Variants in NOTCH3 observed in about 807,000 individuals in gnomAD.
NOTCH3 encodes the protein notch receptor 3.
In NOTCH3, 86 loss-of-function variants were observed where a neutral mutation model predicts 213.3. The ratio of observed to expected loss-of-function variants is 0.40; its 90% CI spans 0.34 to 0.48. NOTCH3 has a LOEUF of 0.48. Ranked by LOEUF, NOTCH3 falls within the 20% of genes least tolerant of loss-of-function variation. The pLI is 0.57. For synonymous variants in NOTCH3, 1,354 were observed against 1,355.9 expected, an observed-to-expected ratio of 1.00 and a Z score of 0.03; for missense variants, 2,783 against 3,272.6, an observed-to-expected ratio of 0.85 and a Z score of 3.65.
chr19:15,164,454 T>A (rs2046669269), intron 31 of NOTCH3, among the ~76,000 whole-genome samples: 1 of 146,174 alleles, frequency 6.8e-6, no homozygotes, highest in East Asian at 2.0e-4. Context: ...GACAGGAGAA[T>A]CACTGGAACC....
At position 15,165,543 on chromosome 19, in the gene NOTCH3, G is replaced by C; in HGVS notation, c.5668-28C>G. ...AGGACAGAGAGTGGATGCAGCAGGAGGGGTCATGGCAGGAACAGAGGAATC... is the reference window on the plus strand; with the variant it reads ...AGGACAGAGAGTGGATGCAGCAGGACGGGTCATGGCAGGAACAGAGGAATC... On this transcript the variant is annotated intron_variant, in intron 30 of 32. Coordinates refer to ENST00000263388, the MANE Select transcript of NOTCH3 (RefSeq NM_000435.3). This position sits in a 1 kb window ranked among gnomAD's most constrained non-coding sequence, Gnocchi z 4.7. The C allele has an allele frequency of 2.5e-6, 4 of 1,608,134 alleles. No homozygotes were observed. Among genetic ancestry groups the C allele is most frequent in the Non-Finnish European group, 3.4e-6 (4 of 1,179,842 alleles).
At position 15,180,065 on chromosome 19, in the gene NOTCH3, C is replaced by G. The variant is rs771616245; in HGVS notation, c.3327+7G>C. 1.3e-6 allele frequency: 2 copies of G among 1,597,614 alleles called. No individual in the cohort carries two copies. The highest frequency in any genetic ancestry group is 2.7e-5 in the African/African-American group (2 of 74,522). ...CCTCTTCCCTCTCCTGGGGAGCGCC[C>G]CCTTACCTCACACATGTAGCCCCCC... On this transcript the variant is annotated splice_region_variant and intron_variant, in intron 20 of 32. Coordinates refer to ENST00000263388, the MANE Select transcript of NOTCH3 (RefSeq NM_000435.3).
intron 16 of NOTCH3, among the ~76,000 whole-genome samples, chr19:15,183,849 G>C (rs1412115335): frequency 6.6e-6 from 1 of 151,808 alleles, no homozygotes; most frequent in African/African-American, 2.4e-5. Flanking sequence ...CCAGGAATTG[G>C]AGACCACCGT....
At chr19:15,187,787 C>T in intron 10 of NOTCH3, 94 bp downstream of exon 10, 5 of 1,035,650 alleles carry the variant, frequency 4.8e-6, no homozygotes, top group East Asian at 2.6e-5. Context: ...TTGCTACAAC[C>T]CCGCCCCCAA....
At chr19:15,173,564 C>CT (rs2046758062) in intron 25 of NOTCH3, among the ~76,000 whole-genome samples, 1 of 151,240 alleles carries the variant, frequency 6.6e-6, no homozygotes, top group Non-Finnish European at 1.5e-5. Flanking sequence ...TCTTCTATGT[C>CT]TTTAAGAAGA....
chr19:15,160,684 G>T lies in NOTCH3; in HGVS notation c.6944C>A (p.Pro2315His), dbSNP rs746397891. The change falls in exon 33 of 33, where the codon CCC (proline) becomes CAC (histidine). Residue 2315 changes from proline (P) to histidine (H), a missense_variant. Transcript: ENST00000263388. ...TQLGPQPEVT[P>H]KRQVLA ...GTCTCAGGCCAACACTTGCCTCTTGGGGGTAACTTCCGGCTGGGGCCCCAG... is the reference window on the plus strand; with the variant it reads ...GTCTCAGGCCAACACTTGCCTCTTGTGGGTAACTTCCGGCTGGGGCCCCAG... 7 of 1,614,136 alleles carry T rather than the reference G, an allele frequency of 4.3e-6. No individual in the cohort carries two copies. The South Asian group carries it at 4.4e-5, about 10-fold the overall frequency.
intron 28 of NOTCH3, among the ~76,000 whole-genome samples, chr19:15,169,656 C>T (rs900812702): frequency 1.4e-4 from 21 of 152,212 alleles, no homozygotes; most frequent in Non-Finnish European, 2.8e-4. Context: ...CTGACTCATA[C>T]TGAACCCAGG....
In NOTCH3 at chr19:15,187,238, G is replaced by A; in HGVS notation, c.1707C>T (p.Ala569=). ...GTGTGCCCGTGTAGCCAGGAGCACAGGCACATGAGAAGCTGGCGATGCCAT... is the reference window on the plus strand; with the variant it reads ...GTGTGCCCGTGTAGCCAGGAGCACAAGCACATGAGAAGCTGGCGATGCCAT... The part of the protein sequence containing the change: ...CVDGIASFSC[A]CAPGYTGTRC... The change falls in exon 11 of 33, where the codon GCC becomes GCT. Residue 569 remains alanine, a synonymous_variant. Coordinates refer to ENST00000263388, the MANE Select transcript of NOTCH3 (RefSeq NM_000435.3). 1 of 1,614,150 alleles carries A rather than the reference G, an allele frequency of 6.2e-7. No individual in the cohort carries two copies.
intron 24 of NOTCH3, among the ~76,000 whole-genome samples, chr19:15,174,729 A>ACT (rs1399931436): frequency 6.7e-6 from 1 of 149,216 alleles, no homozygotes; most frequent in African/African-American, 2.5e-5. Context: ...ATGCACCACC[A>ACT]CGCCCGTCTA....
At chr19:15,174,878 A>G (rs1191981314) in intron 24 of NOTCH3, among the ~76,000 whole-genome samples, 1 of 151,988 alleles carries the variant, frequency 6.6e-6, no homozygotes, top group East Asian at 1.9e-4. Flanking sequence ...GCAGCCCTTG[A>G]TAATATTTTT....
intron 16 of NOTCH3, among the ~76,000 whole-genome samples, chr19:15,183,344 A>G (rs984653814): frequency 3.5e-4 from 53 of 152,104 alleles, no homozygotes; most frequent in South Asian, 1.0e-3. Context: ...TTAAAATTGC[A>G]TATGTGGCTT....
At chr19:15,175,943 G>A (rs1007546150) in intron 24 of NOTCH3, among the ~76,000 whole-genome samples, 1 of 151,376 alleles carries the variant, frequency 6.6e-6, no homozygotes, top group Non-Finnish European at 1.5e-5. Context: ...CAGACAGAGA[G>A]GTACGCAGAG....
chr19:15,175,590 T>TATACATAC (rs150169616), intron 24 of NOTCH3, among the ~76,000 whole-genome samples: 1 of 107,134 alleles, frequency 9.3e-6, no homozygotes, highest in African/African-American at 3.6e-5. Context: ...TATATGTATA[T>TATACATAC]ACACACACAC....
At chr19:15,168,518 G>T (rs1313918564) in intron 28 of NOTCH3, among the ~76,000 whole-genome samples, 1 of 152,068 alleles carries the variant, frequency 6.6e-6, no homozygotes, top group Non-Finnish European at 1.5e-5. Context: ...GATCTGTATG[G>T]ACTCAATTGT....
intron 10 of NOTCH3, 63 bp from the exon 11 acceptor site, chr19:15,187,401 C>A (rs952772115): frequency 1.2e-5 from 18 of 1,451,364 alleles, no homozygotes; most frequent in Admixed American, 1.7e-5. Context: ...AGTGAGGCCT[C>A]GGACCAATCC....
chr19:15,169,336 T>C (rs1257400189), intron 28 of NOTCH3, among the ~76,000 whole-genome samples: 2 of 151,914 alleles, frequency 1.3e-5, no homozygotes, highest in Non-Finnish European at 2.9e-5. Flanking sequence ...GACAGCACCT[T>C]GGGCTTGGAC....
chr19:15,177,078 A>C (rs1231737346), intron 24 of NOTCH3, among the ~76,000 whole-genome samples: 2 of 124,644 alleles, frequency 1.6e-5, no homozygotes, highest in Non-Finnish European at 3.1e-5. Context: ...TCTTAAAAAA[A>C]AAAAAAAAAA....
At chr19:15,195,278 G>T (rs140951459) in intron 2 of NOTCH3, among the ~76,000 whole-genome samples, 3 of 152,028 alleles carry the variant, frequency 2.0e-5, no homozygotes, top group Non-Finnish European at 2.9e-5. Flanking sequence ...CCTCATCTTG[G>T]GGGGGTGGTC....
At chr19:15,181,229 A>T (rs1048444388) in intron 17 of NOTCH3, 67 bp from the exon 18 acceptor site, 2 of 1,429,832 alleles carry the variant, frequency 1.4e-6, no homozygotes, top group African/African-American at 2.8e-5. Flanking sequence ...CTCCTTCCTG[A>T]GTCCCGCTGT....
Sources: gnomAD v4.1 joint callset for allele counts (sites outside exome capture counted in the v4.1 genomes callset) on GRCh38, gnomAD v4.1.1 for gene constraint, Gnocchi (gnomAD v3.1) non-coding constraint, MANE v1.5 for transcripts, NCBI Gene and HGNC (gene_info 2026-07-23, HGNC 2026-07-21) for gene names.